The following MOB1B variants were observed in gnomAD, a reference collection of about 807,000 sequenced individuals.
The protein encoded by MOB1B is MOB1 Mps One Binder homolog B.
MOB1B carries 19 observed loss-of-function variants against 24.4 expected under a neutral mutation model. The ratio of observed to expected loss-of-function variants is 0.78; its 90% CI spans 0.54 to 1.14. The LOEUF (loss-of-function observed/expected upper bound fraction) is 1.14. Ranked by LOEUF, MOB1B falls within the 50% of genes most tolerant of loss-of-function variation. The probability of loss-of-function intolerance (pLI) is 0.00; values close to 1 mark genes in which losing one functional copy is unlikely to be tolerated. For synonymous variants in MOB1B, 76 were observed against 82.1 expected (o/e 0.93, Z 0.40); for missense variants, 243 against 259.6 (o/e 0.94, Z 0.44).
At chr4:70,964,372 A>G (rs981579193) in intron 2 of MOB1B, among the ~76,000 whole-genome samples, 1 of 152,224 alleles carries the variant, frequency 6.6e-6, no homozygotes, top group African/African-American at 2.4e-5. Flanking sequence ...ATCTGGCTAG[A>G]AAGCAGTAAT....
intron 1 of MOB1B, among the ~76,000 whole-genome samples, chr4:70,919,122 C>T (rs1261219419): frequency 8.9e-5 from 13 of 145,992 alleles, no homozygotes; most frequent in African/African-American, 1.5e-4. Flanking sequence ...AACACATGGA[C>T]ACAGGAAGGG....
intron 1 of MOB1B, among the ~76,000 whole-genome samples, chr4:70,936,001 A>G (rs1455728720): frequency 1.1e-4 from 16 of 151,482 alleles, no homozygotes; most frequent in South Asian, 2.1e-4. Context: ...ACAGGCGCCC[A>G]CCACTACGCC....
intron 1 of MOB1B, among the ~76,000 whole-genome samples, chr4:70,907,168 A>G (rs1340645528): frequency 6.6e-6 from 1 of 152,202 alleles, no homozygotes; most frequent in African/African-American, 2.4e-5. Flanking sequence ...TATTAGTAAC[A>G]TGGCCTACTT....
intron 1 of MOB1B, among the ~76,000 whole-genome samples, chr4:70,951,058 T>C (rs576685774): frequency 6.6e-6 from 1 of 152,340 alleles, no homozygotes; most frequent in Non-Finnish European, 1.5e-5. Flanking sequence ...TCATTTATTT[T>C]ACAATCATTT....
chr4:70,964,532 A>G (rs1163529678), intron 2 of MOB1B, among the ~76,000 whole-genome samples: 1 of 152,256 alleles, frequency 6.6e-6, no homozygotes, highest in Non-Finnish European at 1.5e-5. Flanking sequence ...TTAGAGCCTT[A>G]CATAAATACA....
At chr4:70,946,056 G>C (rs1737563765) in intron 1 of MOB1B, among the ~76,000 whole-genome samples, 1 of 145,414 alleles carries the variant, frequency 6.9e-6, no homozygotes, top group Non-Finnish European at 1.5e-5. Flanking sequence ...GCAGGCAAAT[G>C]CTTTGGCTAA....
chr4:70,952,642 C>CAAAAAA (rs541028817), intron 1 of MOB1B, among the ~76,000 whole-genome samples: 3 of 53,970 alleles, frequency 5.6e-5, no homozygotes, highest in East Asian at 4.9e-4. Context: ...GACGCCGTCT[C>CAAAAAA]AAAAAAAAAA....
At chr4:70,938,386 G>A (rs902647063) in intron 1 of MOB1B, among the ~76,000 whole-genome samples, 2 of 128,114 alleles carry the variant, frequency 1.6e-5, no homozygotes, top group African/African-American at 6.0e-5. Context: ...TATTATCTCT[G>A]GTTGCAAGGT....
At chr4:70,948,046 A>G (rs1737656878) in intron 1 of MOB1B, among the ~76,000 whole-genome samples, 1 of 152,198 alleles carries the variant, frequency 6.6e-6, no homozygotes, top group Non-Finnish European at 1.5e-5. Context: ...TAGAAGTTTT[A>G]TAGTATTGTG....
At chr4:70,929,700 C>T (rs1403501659) in intron 1 of MOB1B, among the ~76,000 whole-genome samples, 1 of 150,632 alleles carries the variant, frequency 6.6e-6, no homozygotes, top group Non-Finnish European at 1.5e-5. Context: ...GGCTGGAGTG[C>T]AGTGGCGCGA....
chr4:70,966,608 A>G (rs1173083933), intron 2 of MOB1B, among the ~76,000 whole-genome samples: 4 of 152,028 alleles, frequency 2.6e-5, no homozygotes. Flanking sequence ...TCCTGACCTC[A>G]GGTGATCCAC....
chr4:70,979,667 G>T (rs1184985524), intron 5 of MOB1B, among the ~76,000 whole-genome samples: 1 of 152,122 alleles, frequency 6.6e-6, no homozygotes, highest in African/African-American at 2.4e-5. Context: ...GGACTCTGGT[G>T]CAGGAATGGG....
chr4:70,920,165 C>T (rs28843709), intron 1 of MOB1B, among the ~76,000 whole-genome samples: 4,420 of 152,220 alleles, frequency 0.029, 206 homozygotes, highest in African/African-American at 0.099. Flanking sequence ...AGATAAAAGA[C>T]ATTACACTTT....
intron 2 of MOB1B, among the ~76,000 whole-genome samples, chr4:70,962,764 C>G (rs1738356375): frequency 6.6e-6 from 1 of 152,062 alleles, no homozygotes; most frequent in South Asian, 2.1e-4. Context: ...TTTGGGAGGC[C>G]ACGGTGGGTG....
At chr4:70,965,620 A>G (rs1738490663) in intron 2 of MOB1B, among the ~76,000 whole-genome samples, 2 of 150,978 alleles carry the variant, frequency 1.3e-5, no homozygotes, top group Admixed American at 1.3e-4. Context: ...ACACGGCGGA[A>G]CCCTGTCTCC....
chr4:70,951,026 A>G (rs1737781476), intron 1 of MOB1B, among the ~76,000 whole-genome samples: 1 of 152,218 alleles, frequency 6.6e-6, no homozygotes, highest in African/African-American at 2.4e-5. Context: ...TGTTGGCACA[A>G]ATACATGATT....
chr4:70,928,759 C>CT (rs1001841187), intron 1 of MOB1B, among the ~76,000 whole-genome samples: 3 of 152,128 alleles, frequency 2.0e-5, no homozygotes, highest in African/African-American at 2.4e-5. Flanking sequence ...AATAAAAAAA[C>CT]TTTTTTTTAA....
At chr4:70,921,818 A>T (rs1186948843) in intron 1 of MOB1B, among the ~76,000 whole-genome samples, 1 of 152,076 alleles carries the variant, frequency 6.6e-6, no homozygotes, top group East Asian at 1.9e-4. Context: ...GCATTTCTTT[A>T]CAATACTTCT....
intron 3 of MOB1B, 23 bp downstream of exon 3, chr4:70,970,047 TTTC>T: frequency 7.5e-7 from 1 of 1,328,316 alleles, no homozygotes; most frequent in Non-Finnish European, 1.1e-6. Flanking sequence ...TAATGATCAG[TTTC>T]TTATTTTTAC....
Sources: allele counts gnomAD v4.1 joint callset (sites outside exome capture counted in the v4.1 genomes callset), GRCh38; gene constraint gnomAD v4.1.1; transcripts MANE v1.5; gene names NCBI Gene and HGNC (gene_info 2026-07-23, HGNC 2026-07-21).